KCTD20: variants seen among roughly 807,000 people sequenced by gnomAD.
The protein encoded by KCTD20 is BTB/POZ domain-containing protein KCTD20.
A neutral mutation model predicts 39.6 loss-of-function variants in KCTD20; 30 were observed. That is an observed-to-expected ratio of 0.76 (90% CI 0.57 to 1.03). KCTD20 has a LOEUF of 1.03. KCTD20 is among the 50% of genes least tolerant of loss of function. The probability of loss-of-function intolerance (pLI) is 0.00; values close to 1 mark genes in which losing one functional copy is unlikely to be tolerated. For missense variants in KCTD20, 422 were observed against 522.0 expected, an observed-to-expected ratio of 0.81 and a Z score of 1.87; for synonymous variants, 162 against 180.6, an observed-to-expected ratio of 0.90 and a Z score of 0.83.
chr6:36,470,491 G>A (rs1705617854), intron 2 of KCTD20, among the ~76,000 whole-genome samples: 1 of 152,166 alleles, frequency 6.6e-6, no homozygotes, highest in South Asian at 2.1e-4. Flanking sequence ...AACAGCCACA[G>A]GTTTGGAGTC....
chr6:36,480,893 C>A (rs192652089), intron 5 of KCTD20, among the ~76,000 whole-genome samples: 1 of 152,184 alleles, frequency 6.6e-6, no homozygotes, highest in Non-Finnish European at 1.5e-5. Flanking sequence ...TTTATAGATA[C>A]GGACTTGCTT....
chr6:36,465,607 G>T (rs940628401), intron 1 of KCTD20: 1 of 151,862 alleles, frequency 6.6e-6, no homozygotes, highest in African/African-American at 2.4e-5. Flanking sequence ...TTAGGTGCAA[G>T]GAATATGTAG....
intron 1 of KCTD20, chr6:36,443,449 T>C (rs1774937299): frequency 6.6e-6 from 1 of 152,176 alleles, no homozygotes; most frequent in Non-Finnish European, 1.5e-5. Context: ...CGGAGAGGAA[T>C]GGCGAGAACC....
intron 3 of KCTD20, among the ~76,000 whole-genome samples, chr6:36,477,085 T>C (rs576866515): frequency 2.6e-5 from 4 of 152,294 alleles, no homozygotes; most frequent in East Asian, 1.9e-4. Context: ...TTCAGCTGAA[T>C]TGGCAAGGTC....
At chr6:36,479,528 G>C in intron 4 of KCTD20, 63 bp from the exon 5 acceptor site, 1 of 1,446,176 alleles carries the variant, frequency 6.9e-7, no homozygotes, top group Non-Finnish European at 9.5e-7. Flanking sequence ...AATGCACAGG[G>C]ATGAAGAAGT....
chr6:36,458,036 T>C (rs1397651145), intron 1 of KCTD20, among the ~76,000 whole-genome samples: 1 of 152,016 alleles, frequency 6.6e-6, no homozygotes, highest in Non-Finnish European at 1.5e-5. Context: ...TATTTTGTCA[T>C]GTAAGGGCAT....
chr6:36,443,895 T>C (rs1378935447), intron 1 of KCTD20, among the ~76,000 whole-genome samples: 2 of 152,248 alleles, frequency 1.3e-5, no homozygotes, highest in Admixed American at 6.5e-5. Flanking sequence ...AACCAGCTTA[T>C]GAAAATATGT....
At chr6:36,456,991 C>T (rs760247251) in intron 1 of KCTD20, among the ~76,000 whole-genome samples, 71 of 152,156 alleles carry the variant, frequency 4.7e-4, no homozygotes, top group Non-Finnish European at 8.7e-4. Flanking sequence ...TTTGTGGAGA[C>T]GGGGTTTTGC....
chr6:36,446,024 G>GTTTTTTTTTTTTT (rs553882182), intron 1 of KCTD20, among the ~76,000 whole-genome samples: 11 of 126,536 alleles, frequency 8.7e-5, no homozygotes, highest in Non-Finnish European at 1.3e-4. Flanking sequence ...TATGAACTCA[G>GTTTTTTTTTTTTT]TTTTTTTTTT....
At chr6:36,474,710 T>A in intron 2 of KCTD20, 79 bp from the exon 3 acceptor site, 1 of 1,346,960 alleles carries the variant, frequency 7.4e-7, no homozygotes. Flanking sequence ...TGTTTACTTG[T>A]TTTAAAGAAG....
chr6:36,446,998 C>G (rs1189468112), intron 1 of KCTD20, among the ~76,000 whole-genome samples: 1 of 152,154 alleles, frequency 6.6e-6, no homozygotes, highest in Non-Finnish European at 1.5e-5. Context: ...AAGTTTGCCT[C>G]AAATAATATA....
At chr6:36,471,531 A>G (rs777593112) in intron 2 of KCTD20, among the ~76,000 whole-genome samples, 1 of 152,196 alleles carries the variant, frequency 6.6e-6, no homozygotes, top group Non-Finnish European at 1.5e-5. Flanking sequence ...CCTTACAACT[A>G]TTATCCTTGT....
At chr6:36,483,319 T>C (rs1477110803) in intron 6 of KCTD20, among the ~76,000 whole-genome samples, 9 of 145,284 alleles carry the variant, frequency 6.2e-5, no homozygotes, top group Non-Finnish European at 1.3e-4. Context: ...TTCAAGTGAT[T>C]CTCATGCCTC....
rs1300099268 is a variant in KCTD20, at chr6:36,471,852, T to TC, written c.160+1595_160+1596insC. On this transcript the variant is annotated intron_variant, in intron 2 of 7. Coordinates refer to ENST00000373731, the MANE Select transcript of KCTD20 (RefSeq NM_173562.5). ...ATTAGTAATTCTGGTATCTATTTCT[T>TC]TTTTTTTTTTTTTTTAGACGGAGCC... Among the ~76,000 whole-genome samples the TC allele has an allele frequency of 2.1e-5, 3 of 143,746 alleles. No individual in the cohort carries two copies. The East Asian group carries it at 5.9e-4, about 28-fold the overall frequency. 94.3% of individuals were successfully genotyped at this position (143,746 alleles called of 152,430 possible).
intron 1 of KCTD20, 181 bp downstream of exon 1, chr6:36,443,292 C>T (rs138178028): frequency 1.2e-3 from 179 of 151,354 alleles, no homozygotes; most frequent in South Asian, 0.011. Context: ...CTGTGGGCAG[C>T]GGCTTGATGG....
intron 2 of KCTD20, among the ~76,000 whole-genome samples, chr6:36,472,890 C>CAT (rs1775951908): frequency 6.9e-6 from 1 of 144,444 alleles, no homozygotes; most frequent in Non-Finnish European, 1.5e-5. Flanking sequence ...CAGTATTTTA[C>CAT]ATATATATAT....
Position 36,471,553 on chromosome 6 carries a change from G to A in KCTD20, c.160+1296G>A, listed in dbSNP as rs188789821. Among the ~76,000 whole-genome samples the A allele has an allele frequency of 1.2e-3, 181 of 152,270 alleles. 1 individual carries two copies. The highest frequency in any genetic ancestry group is 2.9e-3 in the African/African-American group (120 of 41,568). ...ACTATTATCCTTGTTTTACAGATGA[G>A]GAAACTGAGGCTTAGAAAGCTTAGG... On this transcript the variant is annotated intron_variant, in intron 2 of 7. Transcript: ENST00000373731.
intron 1 of KCTD20, among the ~76,000 whole-genome samples, chr6:36,458,541 C>CAA (rs1174858102): frequency 1.8e-4 from 12 of 66,866 alleles, no homozygotes; most frequent in African/African-American, 1.0e-4. Context: ...AACTCCATCT[C>CAA]AAAAAAAAAA....
intron 1 of KCTD20, among the ~76,000 whole-genome samples, chr6:36,451,897 T>C (rs575796810): frequency 7.2e-4 from 110 of 152,222 alleles, no homozygotes; most frequent in Middle Eastern, 6.8e-3. Context: ...TGCAACCTCC[T>C]CCTCCCCGGT....
Sources: allele counts gnomAD v4.1 joint callset (sites outside exome capture counted in the v4.1 genomes callset), GRCh38; gene constraint gnomAD v4.1.1; transcripts MANE v1.5; gene names NCBI Gene and HGNC (gene_info 2026-07-23, HGNC 2026-07-21).